Variants in SLC25A27 observed in about 807,000 individuals in gnomAD.
SLC25A27 encodes solute carrier family 25 member 27, also known as mitochondrial uncoupling protein 4.
In SLC25A27, 35 loss-of-function variants were observed where a neutral mutation model predicts 49.1. That is an observed-to-expected ratio of 0.71 (90% CI 0.54 to 0.95). The LOEUF is 0.95. Ranked by LOEUF, SLC25A27 falls within the 40% of genes least tolerant of loss-of-function variation. The probability of loss-of-function intolerance (pLI) is 0.00; values close to 1 mark genes in which losing one functional copy is unlikely to be tolerated. For synonymous variants in SLC25A27, 144 were observed against 136.9 expected (o/e 1.05, Z -0.36); for missense variants, 339 against 397.1 (o/e 0.85, Z 1.24).
In SLC25A27 at chr6:46,668,758, A is replaced by G; in HGVS notation, c.669A>G (p.Pro223=). Reference sequence around the variant, plus strand: ...AACACTACTTGGTATTGAATACACCACTTGAGGACAATATCATGACTCACG... The same window carrying G: ...AACACTACTTGGTATTGAATACACCGCTTGAGGACAATATCATGACTCACG... ...TVKHYLVLNT[P]LEDNIMTHGL... is the part of the protein sequence containing the mutation. Residue 223 remains proline, a synonymous_variant, in exon 6 of 9, where the codon CCA becomes CCG. Transcript: ENST00000371347. 2 of 1,609,444 alleles carry G rather than the reference A, an allele frequency of 1.2e-6. No homozygotes were observed. Among genetic ancestry groups the G allele is most frequent in the Non-Finnish European group, 1.7e-6 (2 of 1,176,056 alleles).
At chr6:46,653,430 T>C (rs994695630) in intron 1 of SLC25A27, 132 bp downstream of exon 1, 4 of 1,432,860 alleles carry the variant, frequency 2.8e-6, no homozygotes, top group Non-Finnish European at 1.8e-6. Context: ...CTGGCAGAGG[T>C]GGCGGTGGAG....
In SLC25A27 at chr6:46,658,939, T is replaced by C. The variant is rs372506918; in HGVS notation, c.299-23T>C. ...TAGATACATATAGCCAAAGTTACCT[T>C]TTTAATGATCTTTTTTACCCAGTGT... On this transcript the variant is annotated intron_variant, in intron 2 of 8. Coordinates refer to ENST00000371347, the MANE Select transcript of SLC25A27 (RefSeq NM_004277.5). The C allele has an allele frequency of 2.6e-6, 4 of 1,563,978 alleles. No individual in the cohort carries two copies. In the African/African-American group the frequency reaches 5.4e-5, roughly 21 times the overall value.
chr6:46,664,902 T>C lies in SLC25A27; in HGVS notation c.619+16T>C. 2 of 1,426,480 alleles carry C rather than the reference T, an allele frequency of 1.4e-6. No homozygotes were observed. Among genetic ancestry groups the C allele is most frequent in the Non-Finnish European group, 1.9e-6 (2 of 1,039,058 alleles). 88.4% of individuals were successfully genotyped at this position (1,426,480 alleles called of 1,614,324 possible). A position where few individuals can be genotyped will look rare whatever the true frequency, so the allele number is the denominator to read the frequency against. Reference sequence around the variant, plus strand: ...AATATGGGAGGTAATGAAAACTTTGTTAAATTCTAAAAAGTCCTAATTGCC... The same window carrying C: ...AATATGGGAGGTAATGAAAACTTTGCTAAATTCTAAAAAGTCCTAATTGCC... On this transcript the variant is annotated intron_variant, in intron 5 of 8. Coordinates refer to ENST00000371347, the MANE Select transcript of SLC25A27 (RefSeq NM_004277.5).
intron 5 of SLC25A27, 85 bp from the exon 6 acceptor site, chr6:46,668,624 C>T: frequency 1.3e-6 from 1 of 771,840 alleles, no homozygotes; most frequent in Non-Finnish European, 2.3e-6. Context: ...TCCTGGTACA[C>T]ATTCCTGCCC....
intron 8 of SLC25A27, among the ~76,000 whole-genome samples, chr6:46,671,783 T>C (rs1763555502): frequency 6.6e-6 from 1 of 151,934 alleles, no homozygotes. Context: ...GCAAATAAAA[T>C]ATAGAATTCT....
Position 46,653,227 on chromosome 6 carries a change from C to T in SLC25A27, c.35C>T (p.Pro12Leu), listed in dbSNP as rs1184600444. Residue 12 changes from proline (P) to leucine (L), a missense_variant, in exon 1 of 9, where the codon CCG becomes CTG. Coordinates refer to ENST00000371347, the MANE Select transcript of SLC25A27 (RefSeq NM_004277.5). The stretch of plus-strand genomic sequence containing the variant: ...CCGGAGGAGGAGGAGAGGCTTTTGC[C>T]GCTGACCCAGAGATGGCCCCGAGCG... The part of the protein sequence containing the change: ...SVPEEEERLL[P>L]LTQRWPRASK... 2 of 1,613,668 alleles carry T rather than the reference C, an allele frequency of 1.2e-6. No individual in the cohort carries two copies. The highest frequency in any genetic ancestry group is 1.7e-6 in the Non-Finnish European group (2 of 1,179,736).
chr6:46,669,629 G>C (rs188332475), intron 6 of SLC25A27, among the ~76,000 whole-genome samples: 87 of 152,272 alleles, frequency 5.7e-4, no homozygotes, highest in African/African-American at 2.0e-3. Context: ...CACTCCAAGA[G>C]TATTACTGAC....
At chr6:46,658,487 T>G (rs748290825) in intron 2 of SLC25A27, 7 of 446,592 alleles carry the variant, frequency 1.6e-5, no homozygotes, top group Non-Finnish European at 2.7e-5. Flanking sequence ...TCCAATGAAA[T>G]TATGTATCTT....
At position 46,676,648 on chromosome 6, in the gene SLC25A27, G is replaced by A; in HGVS notation, c.*194G>A. 6.4e-7 allele frequency: 1 copy of A among 1,550,874 alleles called. No homozygotes were observed. The highest frequency in any genetic ancestry group is 8.7e-7 in the Non-Finnish European group (1 of 1,147,004). On this transcript the variant is annotated 3_prime_UTR_variant, in exon 9 of 9. Coordinates refer to ENST00000371347, the MANE Select transcript of SLC25A27 (RefSeq NM_004277.5). ...TTGACTCCTCTTTTTGTCCAAAAGT[G>A]ATCTGGTCGGATCTCACAAGGCCAT... is the stretch of plus-strand genomic sequence containing the variant.
chr6:46,660,793 TTGTAA>T (rs1763137231), intron 3 of SLC25A27, among the ~76,000 whole-genome samples: 1 of 152,188 alleles, frequency 6.6e-6, no homozygotes, highest in Non-Finnish European at 1.5e-5. Context: ...TTTTGAAAAA[TTGTAA>T]TGTACTAAGC....
In SLC25A27 at chr6:46,670,215, A is replaced by G; in HGVS notation, c.785A>G (p.Asp262Gly). 6.2e-7 allele frequency: 1 copy of G among 1,611,570 alleles called. No individual in the cohort carries two copies. The highest frequency in any genetic ancestry group is 8.5e-7 in the Non-Finnish European group (1 of 1,178,376). Reference protein sequence around the residue: ...IKSRIMNQPRDKQGRGLLYKS... With the variant: ...IKSRIMNQPRGKQGRGLLYKS... Reference sequence around the variant, plus strand: ...AGCAGAATAATGAATCAACCACGAGATAAACAAGGAAGGTAGATAAAAAGT... The same window carrying G: ...AGCAGAATAATGAATCAACCACGAGGTAAACAAGGAAGGTAGATAAAAAGT... Residue 262 changes from aspartate (D) to glycine (G), a missense_variant, in exon 7 of 9, where the codon GAT becomes GGT. Physicochemically the swap from Asp to Gly is moderately conservative, Grantham distance 94. Coordinates refer to ENST00000371347, the MANE Select transcript of SLC25A27 (RefSeq NM_004277.5).
rs1307008207 is a variant in SLC25A27 at position 46,677,539 on chromosome 6, A to G, written c.*1085A>G. The G allele has an allele frequency of 2.0e-5, 3 of 152,210 alleles. No homozygotes were observed. The allele number at this position is 152,210 out of a possible 1,614,324, so 9.4% of individuals were successfully genotyped here. A position where few individuals can be genotyped will look rare whatever the true frequency, so the allele number is the denominator to read the frequency against. ...AGCAAAAATTCTTGCCTAAAAAGTGATAAGTAAAAATCTGTTTATGGTATA... is the reference window on the plus strand; with the variant it reads ...AGCAAAAATTCTTGCCTAAAAAGTGGTAAGTAAAAATCTGTTTATGGTATA... On this transcript the variant is annotated 3_prime_UTR_variant, in exon 9 of 9. Coordinates refer to ENST00000371347, the MANE Select transcript of SLC25A27 (RefSeq NM_004277.5).
At chr6:46,657,008 G>A (rs1423104867) in intron 2 of SLC25A27, among the ~76,000 whole-genome samples, 1 of 152,002 alleles carries the variant, frequency 6.6e-6, no homozygotes, top group East Asian at 1.9e-4. Flanking sequence ...TCTACAAAGA[G>A]TAAGAAAATT....
chr6:46,658,185 A>G (rs944984413), intron 2 of SLC25A27, among the ~76,000 whole-genome samples: 4 of 152,200 alleles, frequency 2.6e-5, no homozygotes, highest in African/African-American at 9.7e-5. Context: ...TGTATCATCA[A>G]AAACTATCTA....
At position 46,653,125 on chromosome 6, in the gene SLC25A27, G is replaced by A; in HGVS notation, c.-68G>A. ...GAAAAGGGGCCGCCCTGGCAGGGAAGCGGCCGCCGCGGCGCGGTGCAGCGC... is the reference window on the plus strand; with the variant it reads ...GAAAAGGGGCCGCCCTGGCAGGGAAACGGCCGCCGCGGCGCGGTGCAGCGC... On this transcript the variant is annotated 5_prime_UTR_variant, in exon 1 of 9. Transcript: ENST00000371347. 6.8e-7 allele frequency: 1 copy of A among 1,468,874 alleles called. No homozygotes were observed. The highest frequency in any genetic ancestry group is 9.4e-7 in the Non-Finnish European group (1 of 1,062,054). The allele number at this position is 1,468,874 out of a possible 1,614,324, so 91.0% of individuals were successfully genotyped here. A position where few individuals can be genotyped will look rare whatever the true frequency, so the allele number is the denominator to read the frequency against.
chr6:46,653,334 G>T (rs1282120575), intron 1 of SLC25A27, 36 bp downstream of exon 1: 2 of 1,585,680 alleles, frequency 1.3e-6, no homozygotes, highest in African/African-American at 1.3e-5. Context: ...TCCCGGGCCA[G>T]TGGCACGCGC....
chr6:46,664,854 A>C lies in SLC25A27; in HGVS notation c.587A>C (p.Asn196Thr), dbSNP rs777773875. The part of the protein sequence containing the change: ...IRGLWAGWVP[N>T]IQRAALVNMG... ...GGGCTTTGGGCAGGCTGGGTACCCA[A>C]TATACAAAGAGCAGCACTGGTGAAT... The change falls in exon 5 of 9, where the codon AAT becomes ACT. Residue 196 changes from asparagine (N) to threonine (T), a missense_variant. Physicochemically the swap from Asn to Thr is moderately conservative, Grantham distance 65. Transcript: ENST00000371347. 3 of 1,606,492 alleles carry C rather than the reference A, an allele frequency of 1.9e-6. No homozygotes were observed. In the South Asian group the frequency reaches 3.3e-5, roughly 18 times the overall value.
chr6:46,664,685 A>T, intron 4 of SLC25A27, 89 bp from the exon 5 acceptor site: 1 of 557,530 alleles, frequency 1.8e-6, no homozygotes, highest in Non-Finnish European at 3.0e-6. Context: ...TTTACTCCAG[A>T]TTATAAGAGC....
chr6:46,655,939 A>G lies in SLC25A27; in HGVS notation c.203A>G (p.Tyr68Cys). The G allele has an allele frequency of 1.2e-6, 2 of 1,613,918 alleles. No individual in the cohort carries two copies. The highest frequency in any genetic ancestry group is 1.1e-5 in the South Asian group (1 of 91,070). ...LGDGARESAP[Y>C]RGMVRTALGI... ...GACGGTGCAAGAGAATCTGCCCCCT[A>G]TAGGGGAATGGTGCGCACAGCTCTA... Residue 68 changes from tyrosine (Y) to cysteine (C), a missense_variant, in exon 2 of 9, where the codon TAT (tyrosine) becomes TGT (cysteine). Coordinates refer to ENST00000371347, the MANE Select transcript of SLC25A27 (RefSeq NM_004277.5).
Sources: allele counts gnomAD v4.1 joint callset (sites outside exome capture counted in the v4.1 genomes callset), GRCh38; gene constraint gnomAD v4.1.1; transcripts MANE v1.5; gene names NCBI Gene and HGNC (gene_info 2026-07-23, HGNC 2026-07-21).